The following MIPEP variants were observed in gnomAD, a reference collection of about 807,000 sequenced individuals.
MIPEP encodes mitochondrial intermediate peptidase.
Under a neutral mutation model 90.3 loss-of-function variants are expected in MIPEP, and 79 were observed. The observed-to-expected ratio is 0.87, with a 90% CI of 0.73 to 1.05. MIPEP has a LOEUF of 1.05. Among genes scored for constraint, MIPEP ranks in the 50% least tolerant of loss-of-function variants. The pLI, the probability that MIPEP is intolerant of heterozygous loss-of-function variation, is 0.00. For missense variants in MIPEP, 940 were observed against 905.6 expected (o/e 1.04, Z -0.49); for synonymous variants, 334 against 315.8 (o/e 1.06, Z -0.61).
rs528742748 is a variant in MIPEP at position 23,780,565 on chromosome 13, A to T, written c.1849-20348T>A. On this transcript the variant is annotated intron_variant, in intron 16 of 18. Coordinates refer to ENST00000382172, the MANE Select transcript of MIPEP (RefSeq NM_005932.4). ...AGAGCGCCTCTCCCCCTCCAAAGGA[A>T]CACAGCTCCTCACCAGCAACGGAAT... is the stretch of plus-strand genomic sequence containing the variant. Among the ~76,000 whole-genome samples the T allele has an allele frequency of 1.3e-3, 194 of 152,382 alleles. 2 individuals are homozygous for T. The highest frequency in any genetic ancestry group is 6.8e-3 in the Middle Eastern group (2 of 294).
At chr13:23,751,282 T>G (rs1952437729) in intron 18 of MIPEP, among the ~76,000 whole-genome samples, 1 of 152,202 alleles carries the variant, frequency 6.6e-6, no homozygotes, top group Non-Finnish European at 1.5e-5. Flanking sequence ...AGCGAGTGTG[T>G]TTGGCAGACT....
intron 7 of MIPEP, among the ~76,000 whole-genome samples, chr13:23,866,370 A>G (rs1334311653): frequency 6.6e-6 from 1 of 152,190 alleles, no homozygotes; most frequent in Non-Finnish European, 1.5e-5. Context: ...GATGATGTGC[A>G]CAACAGCCCC....
chr13:23,854,917 A>T (rs1343875933), intron 10 of MIPEP, among the ~76,000 whole-genome samples: 1 of 151,968 alleles, frequency 6.6e-6, no homozygotes, highest in African/African-American at 2.4e-5. Flanking sequence ...AAAACAATAA[A>T]CAAACAAACA....
intron 3 of MIPEP, 26 bp downstream of exon 3, chr13:23,881,673 G>C: frequency 6.3e-7 from 1 of 1,576,508 alleles, no homozygotes; most frequent in South Asian, 1.1e-5. Context: ...ACTTGGCATG[G>C]AGGTGGGGAG....
chr13:23,882,410 CTTTGA>C (rs542923544), intron 2 of MIPEP, among the ~76,000 whole-genome samples: 205 of 152,044 alleles, frequency 1.3e-3, no homozygotes, highest in African/African-American at 4.6e-3. Context: ...ACATTCTAGT[CTTTGA>C]TTTAACTACA....
At chr13:23,852,334 TAAG>T (rs951858275) in intron 10 of MIPEP, among the ~76,000 whole-genome samples, 1 of 152,244 alleles carries the variant, frequency 6.6e-6, no homozygotes, top group Admixed American at 6.5e-5. Context: ...AAGAGTTATG[TAAG>T]AAGATGTTCA....
chr13:23,876,355 T>C (rs1307038283), intron 4 of MIPEP, among the ~76,000 whole-genome samples: 2 of 152,218 alleles, frequency 1.3e-5, no homozygotes, highest in Admixed American at 6.5e-5. Context: ...ATGATTCTTA[T>C]GAAGTACTTT....
At chr13:23,875,080 A>G (rs1871012727) in intron 4 of MIPEP, among the ~76,000 whole-genome samples, 171 bp from the exon 5 acceptor site, 1 of 144,378 alleles carries the variant, frequency 6.9e-6, no homozygotes, top group Non-Finnish European at 1.5e-5. Flanking sequence ...TTAAACAAGG[A>G]GCTTAATATC....
intron 3 of MIPEP, among the ~76,000 whole-genome samples, chr13:23,879,902 G>A (rs1267286676): frequency 6.6e-6 from 1 of 152,112 alleles, no homozygotes; most frequent in African/African-American, 2.4e-5. Context: ...TTGAGCAGTT[G>A]TGCCATCCAG....
intron 16 of MIPEP, among the ~76,000 whole-genome samples, chr13:23,774,803 T>C (rs1415085633): frequency 7.1e-6 from 1 of 141,602 alleles, no homozygotes; most frequent in Non-Finnish European, 1.5e-5. Context: ...TTTTTTTTTT[T>C]TTTTTTTTGA....
At position 23,851,838 on chromosome 13, in the gene MIPEP, CAT is replaced by C. The variant is rs138624980; in HGVS notation, c.1106+7020_1106+7021del. Among the ~76,000 whole-genome samples the C allele has an allele frequency of 4.3e-3, 657 of 152,282 alleles. 2 individuals carry two copies. The highest frequency in any genetic ancestry group is 0.015 in the African/African-American group (629 of 41,562). ...GCCTCCAAGTCGCTGGGATTACAGA[CAT>C]GTGTCACCATGCTCAGCTATTTCAC... On this transcript the variant is annotated intron_variant, in intron 10 of 18. Transcript: ENST00000382172.
intron 16 of MIPEP, among the ~76,000 whole-genome samples, chr13:23,773,578 C>T (rs1055433636): frequency 1.3e-5 from 2 of 152,170 alleles, no homozygotes; most frequent in African/African-American, 4.8e-5. Flanking sequence ...TACATTCTCA[C>T]CAGCAACGTA....
At position 23,847,071 on chromosome 13, in the gene MIPEP, G is replaced by A. The variant is rs114820387; in HGVS notation, c.1107-5583C>T. Among the ~76,000 whole-genome samples, 630 of 152,126 alleles carry A rather than the reference G, an allele frequency of 4.1e-3. 2 individuals carry two copies. Among genetic ancestry groups the A allele is most frequent in the African/African-American group, 0.015 (604 of 41,510 alleles). ...TTTATAACTGCATGATAACAGCATG[G>A]AAGTTGAAAAAAAATCAACAGGAGG... On this transcript the variant is annotated intron_variant, in intron 10 of 18. Transcript: ENST00000382172.
In MIPEP at chr13:23,856,440, G is replaced by A. The variant is rs542802783; in HGVS notation, c.1106+2420C>T. Among the ~76,000 whole-genome samples, 20 of 152,288 alleles carry A rather than the reference G, an allele frequency of 1.3e-4. 2 individuals are homozygous for A. The East Asian group carries it at 1.3e-3, about 10-fold the overall frequency. On this transcript the variant is annotated intron_variant, in intron 10 of 18. Transcript: ENST00000382172. ...AGGTTGTGATCAGATCCTACAGTGC[G>A]CCCAGAGCCAGGCTTGTGGGCTGTT...
Position 23,869,352 on chromosome 13 carries a change from A to G in MIPEP, c.883T>C (p.Leu295=). ...TGAGAAAACGTGGAATACCCCACCAACTTTGCCAGAAGATCTCTGCTGCTG... is the reference window on the plus strand; with the variant it reads ...TGAGAAAACGTGGAATACCCCACCAGCTTTGCCAGAAGATCTCTGCTGCTG... The part of the protein sequence containing the change: ...LLSSRDLLAK[L]VGYSTFSHRA... Residue 295 remains leucine (L), a synonymous_variant, in exon 7 of 19, where the codon TTG becomes CTG. Coordinates refer to ENST00000382172, the MANE Select transcript of MIPEP (RefSeq NM_005932.4). The G allele has an allele frequency of 6.2e-7, 1 of 1,613,350 alleles. No homozygotes were observed. Among genetic ancestry groups the G allele is most frequent in the Non-Finnish European group, 8.5e-7 (1 of 1,179,820 alleles).
At chr13:23,731,805 T>C (rs1952208347) in intron 18 of MIPEP, among the ~76,000 whole-genome samples, 1 of 151,918 alleles carries the variant, frequency 6.6e-6, no homozygotes, top group African/African-American at 2.4e-5. Context: ...AATTACAAAT[T>C]GACAAAAGAT....
At chr13:23,819,209 C>T (rs1227893996) in intron 14 of MIPEP, among the ~76,000 whole-genome samples, 1 of 152,142 alleles carries the variant, frequency 6.6e-6, no homozygotes, top group Non-Finnish European at 1.5e-5. Context: ...CAAAACCAAA[C>T]CAAATGGAGT....
chr13:23,784,295 G>A (rs1472821074), intron 16 of MIPEP, among the ~76,000 whole-genome samples: 12 of 150,518 alleles, frequency 8.0e-5, no homozygotes, highest in South Asian at 2.1e-4. Flanking sequence ...CAGAGATATA[G>A]ACCAATGGAA....
At chr13:23,836,963 C>A (rs1482596126) in intron 13 of MIPEP, among the ~76,000 whole-genome samples, 1 of 152,174 alleles carries the variant, frequency 6.6e-6, no homozygotes, top group Non-Finnish European at 1.5e-5. Flanking sequence ...TGGATGCCAA[C>A]AATTCACTAG....
Sources: allele counts gnomAD v4.1 joint callset (sites outside exome capture counted in the v4.1 genomes callset), GRCh38; gene constraint gnomAD v4.1.1; transcripts MANE v1.5; gene names NCBI Gene and HGNC (gene_info 2026-07-23, HGNC 2026-07-21).